KHDRBS2: variants seen among roughly 807,000 people sequenced by gnomAD.
KHDRBS2 encodes the protein KH domain-containing, RNA-binding, signal transduction-associated protein 2.
A neutral mutation model predicts 44.3 loss-of-function variants in KHDRBS2; 26 were observed. The ratio of observed to expected loss-of-function variants is 0.59; its 90% confidence interval spans 0.43 to 0.81. KHDRBS2 has a LOEUF of 0.81. Among genes scored for constraint, KHDRBS2 ranks in the 40% least tolerant of loss-of-function variants. The pLI, the probability that KHDRBS2 is intolerant of heterozygous loss-of-function variation, is 0.00. For synonymous variants in KHDRBS2, 194 were observed against 151.1 expected, an observed-to-expected ratio of 1.28 and a Z score of -2.08; for missense variants, 476 against 433.1, an observed-to-expected ratio of 1.10 and a Z score of -0.88.
At chr6:61,938,768 CA>C (rs1332627078) in intron 4 of KHDRBS2, among the ~76,000 whole-genome samples, 1 of 151,886 alleles carries the variant, frequency 6.6e-6, no homozygotes, top group East Asian at 1.9e-4. Flanking sequence ...TGAGAAAATC[CA>C]GAAGAAAAAA....
At chr6:61,609,225 G>C in the KHDRBS2 span, among the ~76,000 whole-genome samples, 1 of 152,134 alleles carries the variant, frequency 6.6e-6, no homozygotes. Flanking sequence ...TGGGCATGGT[G>C]GTGTGCACCT....
chr6:62,065,033 T>C (rs1284794867), intron 2 of KHDRBS2, among the ~76,000 whole-genome samples: 1 of 152,068 alleles, frequency 6.6e-6, no homozygotes, highest in Non-Finnish European at 1.5e-5. Context: ...CATGAAAAAA[T>C]GCTCGTCATC....
At chr6:61,588,492 A>G in the KHDRBS2 span, among the ~76,000 whole-genome samples, 38 of 152,178 alleles carry the variant, frequency 2.5e-4, no homozygotes, top group African/African-American at 8.9e-4. Flanking sequence ...AAAATTCACA[A>G]TTATACTCAG....
intron 2 of KHDRBS2, among the ~76,000 whole-genome samples, chr6:62,064,434 T>C (rs1055766388): frequency 3.4e-5 from 5 of 147,624 alleles, no homozygotes; most frequent in African/African-American, 1.3e-4. Context: ...AAAACAGAGA[T>C]ATAGATCAAT....
intron 1 of KHDRBS2, among the ~76,000 whole-genome samples, chr6:62,224,047 G>C (rs564033417): frequency 6.6e-6 from 1 of 152,094 alleles, no homozygotes; most frequent in Non-Finnish European, 1.5e-5. Context: ...CCAATTTACT[G>C]TATTAGTCTA....
intron 4 of KHDRBS2, among the ~76,000 whole-genome samples, chr6:61,920,467 G>C (rs1807869198): frequency 6.6e-6 from 1 of 151,778 alleles, no homozygotes; most frequent in Non-Finnish European, 1.5e-5. Flanking sequence ...CCACCTATTT[G>C]AAACAATAAG....
chr6:61,959,680 G>T (rs1354033952), intron 4 of KHDRBS2, among the ~76,000 whole-genome samples: 1 of 152,114 alleles, frequency 6.6e-6, no homozygotes, highest in Non-Finnish European at 1.5e-5. Context: ...ACTCTGCCAA[G>T]TACAAGCAAA....
chr6:62,273,535 G>A (rs1010889616), intron 1 of KHDRBS2, among the ~76,000 whole-genome samples: 26 of 152,196 alleles, frequency 1.7e-4, no homozygotes, highest in African/African-American at 6.0e-4. Flanking sequence ...AGTCCTTTTA[G>A]TCAACTTTGA....
the KHDRBS2 span, among the ~76,000 whole-genome samples, chr6:61,576,598 T>C: frequency 2.3e-4 from 35 of 152,266 alleles, no homozygotes; most frequent in Non-Finnish European, 3.7e-4. Flanking sequence ...TTCACAAATT[T>C]ATTTAGGCAT....
intron 2 of KHDRBS2, among the ~76,000 whole-genome samples, chr6:62,084,133 A>G (rs1797958430): frequency 6.6e-6 from 1 of 152,124 alleles, no homozygotes; most frequent in South Asian, 2.1e-4. Context: ...GATATTGAAT[A>G]ATGGAGATTG....
intron 1 of KHDRBS2, among the ~76,000 whole-genome samples, chr6:62,222,266 G>A (rs541381577): frequency 1.5e-3 from 221 of 151,206 alleles, no homozygotes; most frequent in African/African-American, 4.8e-3. Flanking sequence ...GAGAGTGGGG[G>A]TCTTGGGGAG....
the KHDRBS2 span, among the ~76,000 whole-genome samples, chr6:61,578,233 T>C: frequency 1.3e-5 from 2 of 152,152 alleles, no homozygotes; most frequent in Non-Finnish European, 2.9e-5. Context: ...ACCAACCTAA[T>C]AGCTCATTAC....
the KHDRBS2 span, among the ~76,000 whole-genome samples, chr6:61,594,603 T>G: frequency 6.6e-6 from 1 of 152,140 alleles, no homozygotes; most frequent in Non-Finnish European, 1.5e-5. Flanking sequence ...TGGCCTACAA[T>G]TTAATATATC....
intron 3 of KHDRBS2, among the ~76,000 whole-genome samples, chr6:61,981,252 G>A (rs1773784248): frequency 6.6e-6 from 1 of 152,110 alleles, no homozygotes; most frequent in East Asian, 1.9e-4. Context: ...CAAAACTAGA[G>A]TTTGGTTTTT....
intron 1 of KHDRBS2, among the ~76,000 whole-genome samples, chr6:62,191,131 G>C (rs1291434365): frequency 6.6e-6 from 1 of 152,082 alleles, no homozygotes; most frequent in Non-Finnish European, 1.5e-5. Flanking sequence ...AATCTTTGTT[G>C]AATGAATGAG....
At chr6:61,892,272 A>G (rs867896045) in intron 6 of KHDRBS2, among the ~76,000 whole-genome samples, 8 of 152,326 alleles carry the variant, frequency 5.3e-5, no homozygotes, top group Middle Eastern at 6.8e-3. Context: ...AAATGGAAGA[A>G]CATTCCATGC....
intron 6 of KHDRBS2, among the ~76,000 whole-genome samples, chr6:61,782,701 A>G (rs566562892): frequency 0.24 from 13,068 of 53,472 alleles, 1,137 homozygotes; most frequent in East Asian, 0.31. Context: ...ATATATATAT[A>G]TATATATATA....
At chr6:61,928,293 T>C (rs545381588) in intron 4 of KHDRBS2, among the ~76,000 whole-genome samples, 1 of 152,224 alleles carries the variant, frequency 6.6e-6, no homozygotes, top group African/African-American at 2.4e-5. Context: ...GGAACTTATT[T>C]GGTGTAAACT....
At chr6:61,767,856 A>T (rs1320298722) in intron 6 of KHDRBS2, among the ~76,000 whole-genome samples, 2 of 151,966 alleles carry the variant, frequency 1.3e-5, no homozygotes, top group Non-Finnish European at 1.5e-5. Context: ...AGTTGTTTTT[A>T]TTTTTGATAG....
Sources: allele counts gnomAD v4.1 joint callset (sites outside exome capture counted in the v4.1 genomes callset), GRCh38; gene constraint gnomAD v4.1.1; transcripts MANE v1.5; gene names NCBI Gene and HGNC (gene_info 2026-07-23, HGNC 2026-07-21).